CFDP1: variants seen among roughly 807,000 people sequenced by gnomAD.
CFDP1 encodes chromatin remodeling protein CFDP1.
In CFDP1, 31 loss-of-function variants were observed where a neutral mutation model predicts 40.1. The observed-to-expected ratio is 0.77, with a 90% CI of 0.58 to 1.04. The LOEUF is 1.04. Ranked by LOEUF, CFDP1 falls within the 50% of genes least tolerant of loss-of-function variation. The probability of loss-of-function intolerance (pLI) is 0.00; values close to 1 mark genes in which losing one functional copy is unlikely to be tolerated. For synonymous variants in CFDP1, 167 were observed against 120.0 expected (o/e 1.39, Z -2.56); for missense variants, 423 against 343.4 (o/e 1.23, Z -1.83).
chr16:75,377,633 A>G (rs1340856187), intron 5 of CFDP1, among the ~76,000 whole-genome samples: 1 of 152,254 alleles, frequency 6.6e-6, no homozygotes, highest in African/African-American at 2.4e-5. Flanking sequence ...AATCTAGTCA[A>G]TTTAGTTCCA....
chr16:75,306,918 T>C (rs1438989485), intron 5 of CFDP1, among the ~76,000 whole-genome samples: 1 of 148,108 alleles, frequency 6.8e-6, no homozygotes, highest in African/African-American at 2.6e-5. Context: ...CACACACACT[T>C]TCTTTTTCAC....
At chr16:75,422,523 T>C (rs547326221) in intron 1 of CFDP1, among the ~76,000 whole-genome samples, 1 of 150,478 alleles carries the variant, frequency 6.6e-6, no homozygotes, top group Admixed American at 6.6e-5. Flanking sequence ...GCCTCACGAA[T>C]ACCTGAGACT....
chr16:75,345,678 G>T (rs2078558300), intron 5 of CFDP1, among the ~76,000 whole-genome samples: 1 of 152,206 alleles, frequency 6.6e-6, no homozygotes, highest in South Asian at 2.1e-4. Flanking sequence ...AAGTCTGCAA[G>T]AGAGTTTGGT....
At chr16:75,417,981 C>A (rs367784616) in intron 1 of CFDP1, among the ~76,000 whole-genome samples, 1 of 152,016 alleles carries the variant, frequency 6.6e-6, no homozygotes, top group South Asian at 2.1e-4. Flanking sequence ...TGGCTGGGAG[C>A]GGTGGCTCAT....
chr16:75,414,435 C>A, intron 2 of CFDP1, 143 bp downstream of exon 2: 1 of 642,890 alleles, frequency 1.6e-6, no homozygotes, highest in Admixed American at 2.4e-5. Flanking sequence ...GAAGTTAATC[C>A]TAAAATAACA....
In CFDP1 at chr16:75,349,704, C is replaced by CATAT. The variant is rs1376452599; in HGVS notation, c.651-44526_651-44523dup. Among the ~76,000 whole-genome samples the CATAT allele has an allele frequency of 2.8e-4, 14 of 50,902 alleles. 1 individual carries two copies. The highest frequency in any genetic ancestry group is 1.0e-3 in the African/African-American group (14 of 13,352). 33.4% of individuals were successfully genotyped at this position (50,902 alleles called of 152,430 possible). A position where few individuals can be genotyped will look rare whatever the true frequency, so the allele number is the denominator to read the frequency against. On this transcript the variant is annotated intron_variant, in intron 5 of 6. Transcript: ENST00000283882. ...AAAAAAAAAAAAATATATATACATA[C>CATAT]ATATATACGGTTGATTTTTACATAT...
At chr16:75,391,861 C>T (rs997892863) in intron 5 of CFDP1, among the ~76,000 whole-genome samples, 98 of 151,968 alleles carry the variant, frequency 6.4e-4, no homozygotes, top group African/African-American at 2.0e-3. Flanking sequence ...CCCAGCTACT[C>T]GGGAGGCTGA....
At chr16:75,427,984 A>C (rs2079360401) in intron 1 of CFDP1, among the ~76,000 whole-genome samples, 1 of 152,186 alleles carries the variant, frequency 6.6e-6, no homozygotes, top group Admixed American at 6.5e-5. Context: ...GCCAGATACA[A>C]AAAGCTGCCT....
At chr16:75,415,403 T>G (rs1218077559) in intron 1 of CFDP1, among the ~76,000 whole-genome samples, 1 of 152,088 alleles carries the variant, frequency 6.6e-6, no homozygotes, top group Non-Finnish European at 1.5e-5. Context: ...AGCACACAAA[T>G]CTAATATACA....
chr16:75,417,628 G>A (rs2079222406), intron 1 of CFDP1, among the ~76,000 whole-genome samples: 2 of 152,144 alleles, frequency 1.3e-5, no homozygotes, highest in African/African-American at 2.4e-5. Flanking sequence ...ATAAAACAGA[G>A]TAGAAGCAAG....
At chr16:75,308,927 A>T (rs1567640881) in intron 5 of CFDP1, among the ~76,000 whole-genome samples, 1 of 152,202 alleles carries the variant, frequency 6.6e-6, no homozygotes, top group Non-Finnish European at 1.5e-5. Context: ...ACATCAGTAA[A>T]ATGTCACCTG....
chr16:75,416,644 A>G (rs1031798136), intron 1 of CFDP1, among the ~76,000 whole-genome samples: 1 of 152,092 alleles, frequency 6.6e-6, no homozygotes, highest in African/African-American at 2.4e-5. Flanking sequence ...CCTCTAGTCT[A>G]AGCTGAGGCA....
At chr16:75,400,041 C>T (rs1306626835) in intron 4 of CFDP1, among the ~76,000 whole-genome samples, 3 of 134,788 alleles carry the variant, frequency 2.2e-5, no homozygotes, top group East Asian at 2.3e-4. Context: ...GTGGAGGTTG[C>T]GGTGAGCCGA....
intron 5 of CFDP1, among the ~76,000 whole-genome samples, chr16:75,312,427 G>C (rs902717498): frequency 6.6e-6 from 1 of 152,086 alleles, no homozygotes; most frequent in African/African-American, 2.4e-5. Flanking sequence ...CCATCTATCA[G>C]CAAAAGGCAA....
chr16:75,392,100 T>C (rs999845606), intron 5 of CFDP1, among the ~76,000 whole-genome samples: 4 of 151,950 alleles, frequency 2.6e-5, no homozygotes, highest in African/African-American at 4.8e-5. Context: ...AAAATCCTAA[T>C]CTTCATTAAA....
intron 6 of CFDP1, among the ~76,000 whole-genome samples, chr16:75,299,644 G>C (rs2078208806): frequency 6.6e-6 from 1 of 151,920 alleles, no homozygotes; most frequent in Non-Finnish European, 1.5e-5. Flanking sequence ...CAAAAGCCAT[G>C]ACTATCTGCT....
chr16:75,378,775 A>G (rs1208613999), intron 5 of CFDP1, among the ~76,000 whole-genome samples: 1 of 152,208 alleles, frequency 6.6e-6, no homozygotes, highest in African/African-American at 2.4e-5. Context: ...TATTTAAAAG[A>G]TATTGGGGTA....
chr16:75,371,803 T>C (rs540781463), intron 5 of CFDP1, among the ~76,000 whole-genome samples: 1 of 152,220 alleles, frequency 6.6e-6, no homozygotes, highest in Non-Finnish European at 1.5e-5. Flanking sequence ...ATTAAATCTA[T>C]ATACGTTTTT....
chr16:75,432,036 T>G (rs2079426141), intron 1 of CFDP1, among the ~76,000 whole-genome samples: 1 of 150,524 alleles, frequency 6.6e-6, no homozygotes, highest in Non-Finnish European at 1.5e-5. Context: ...TCCAGCCTCC[T>G]GAGGAGCTGG....
Sources: gnomAD v4.1 joint callset for allele counts (sites outside exome capture counted in the v4.1 genomes callset) on GRCh38, gnomAD v4.1.1 for gene constraint, MANE v1.5 for transcripts, NCBI Gene and HGNC (gene_info 2026-07-23, HGNC 2026-07-21) for gene names.